The following SLC16A7 variants were observed in gnomAD, a reference collection of about 807,000 sequenced individuals.
SLC16A7 encodes solute carrier family 16 member 7.
A neutral mutation model predicts 34.9 loss-of-function variants in SLC16A7; 33 were observed. The observed-to-expected ratio is 0.94, with a 90% CI of 0.72 to 1.26. The LOEUF (loss-of-function observed/expected upper bound fraction) is 1.26. SLC16A7 is among the 50% of genes most tolerant of loss of function. The pLI, the probability that SLC16A7 is intolerant of heterozygous loss-of-function variation, is 0.00. For missense variants in SLC16A7, 573 were observed against 578.1 expected, an observed-to-expected ratio of 0.99 and a Z score of 0.09; for synonymous variants, 201 against 206.6, an observed-to-expected ratio of 0.97 and a Z score of 0.23.
In SLC16A7 at chr12:59,771,308, G is replaced by A. The variant is rs746044287; in HGVS notation, c.307G>A (p.Ala103Thr). Residue 103 changes from alanine (A) to threonine (T), a missense_variant, in exon 4 of 6, where the codon GCC becomes ACC. Coordinates refer to ENST00000547379, the MANE Select transcript of SLC16A7 (RefSeq NM_001270623.2). ...GLLCCLGMVLASFSSSVVQLY... is the reference protein window; with the variant it reads ...GLLCCLGMVLTSFSSSVVQLY... Reference sequence around the variant, plus strand: ...ATTATGCTGTCTTGGAATGGTGTTGGCCTCCTTTAGTAGCAGCGTGGTACA... The same window carrying A: ...ATTATGCTGTCTTGGAATGGTGTTGACCTCCTTTAGTAGCAGCGTGGTACA... The A allele has an allele frequency of 7.4e-6, 12 of 1,612,932 alleles. No individual in the cohort carries two copies. The African/African-American group carries it at 1.5e-4, about 20-fold the overall frequency.
chr12:59,777,303 G>A (rs892272885), intron 5 of SLC16A7, among the ~76,000 whole-genome samples: 2 of 152,068 alleles, frequency 1.3e-5, no homozygotes, highest in African/African-American at 2.4e-5. Context: ...TCTGCTACCC[G>A]TAATATTTCT....
At chr12:59,602,133 T>C (rs1369301962) in intron 1 of SLC16A7, among the ~76,000 whole-genome samples, 1 of 152,212 alleles carries the variant, frequency 6.6e-6, no homozygotes, top group Non-Finnish European at 1.5e-5. Flanking sequence ...ATCAGAGTAC[T>C]TTCAGAGTAC....
rs1375389007 is a variant in SLC16A7, at chr12:59,781,520, AT to A, written c.*1844del. On this transcript the variant is annotated 3_prime_UTR_variant, in exon 6 of 6. Coordinates refer to ENST00000547379, the MANE Select transcript of SLC16A7 (RefSeq NM_001270623.2). The stretch of plus-strand genomic sequence containing the variant: ...GAAGCTATATAAAATTCAGTTTTTC[AT>A]TTAACATTTGCTCTTTTGCATATGA... 6.6e-6 allele frequency: 1 copy of A among 152,576 alleles called. No homozygotes were observed. Among genetic ancestry groups the A allele is most frequent in the East Asian group, 1.9e-4 (1 of 5,198 alleles). The allele number at this position is 152,576 out of a possible 1,614,324, so 9.5% of individuals were successfully genotyped here.
chr12:59,740,508 C>A (rs1878186554), intron 3 of SLC16A7, among the ~76,000 whole-genome samples: 1 of 152,120 alleles, frequency 6.6e-6, no homozygotes, highest in Non-Finnish European at 1.5e-5. Context: ...CAAAATTCAA[C>A]AATGCTTCAT....
intron 3 of SLC16A7, among the ~76,000 whole-genome samples, chr12:59,765,407 C>A (rs1007090336): frequency 6.6e-6 from 1 of 152,150 alleles, no homozygotes; most frequent in Non-Finnish European, 1.5e-5. Context: ...AGTCCTTGCC[C>A]ATGCCTATGT....
intron 3 of SLC16A7, among the ~76,000 whole-genome samples, chr12:59,755,309 T>C (rs1234487693): frequency 1.3e-5 from 2 of 152,112 alleles, no homozygotes; most frequent in African/African-American, 2.4e-5. Context: ...AAGAGGAAGT[T>C]AAATTGTCCC....
At chr12:59,748,280 C>T (rs1843000764) in intron 3 of SLC16A7, among the ~76,000 whole-genome samples, 1 of 152,124 alleles carries the variant, frequency 6.6e-6, no homozygotes, top group South Asian at 2.1e-4. Flanking sequence ...AGGCCACCAT[C>T]CACAGTGCAG....
At chr12:59,637,230 A>G (rs903094448) in intron 1 of SLC16A7, among the ~76,000 whole-genome samples, 1 of 152,126 alleles carries the variant, frequency 6.6e-6, no homozygotes, top group Non-Finnish European at 1.5e-5. Context: ...AAATTTTTAA[A>G]AAGTACCTAA....
intron 1 of SLC16A7, among the ~76,000 whole-genome samples, chr12:59,654,760 A>G (rs1941464915): frequency 6.6e-6 from 1 of 151,866 alleles, no homozygotes; most frequent in African/African-American, 2.4e-5. Context: ...ACATCACTCA[A>G]AAGTTAAAAA....
chr12:59,762,670 A>T (rs1232047433), intron 3 of SLC16A7, among the ~76,000 whole-genome samples: 1 of 152,010 alleles, frequency 6.6e-6, no homozygotes, highest in Non-Finnish European at 1.5e-5. Context: ...TAGTCTGGTT[A>T]AGTACAGCAT....
At chr12:59,687,635 T>A (rs1380931853) in intron 2 of SLC16A7, among the ~76,000 whole-genome samples, 1 of 152,142 alleles carries the variant, frequency 6.6e-6, no homozygotes, top group African/African-American at 2.4e-5. Context: ...CAATAACAGA[T>A]ATTTATTTCT....
intron 1 of SLC16A7, among the ~76,000 whole-genome samples, chr12:59,648,726 G>A (rs1279707479): frequency 6.6e-6 from 1 of 152,142 alleles, no homozygotes; most frequent in Admixed American, 6.6e-5. Flanking sequence ...ATTTTAGATT[G>A]CGTGAAATAC....
chr12:59,604,500 A>T (rs1347371208), intron 1 of SLC16A7, among the ~76,000 whole-genome samples: 6 of 152,258 alleles, frequency 3.9e-5, no homozygotes, highest in African/African-American at 1.4e-4. Context: ...ATAATAAGTG[A>T]ATTTAAGGAC....
chr12:59,596,757 C>T lies in SLC16A7; in HGVS notation c.-130+521C>T, dbSNP rs915576664. On this transcript the variant is annotated intron_variant, in intron 1 of 5. Coordinates refer to ENST00000547379, the MANE Select transcript of SLC16A7 (RefSeq NM_001270623.2). This position sits in a 1 kb window ranked among gnomAD's most constrained non-coding sequence, Gnocchi z 5.0. ...GGAGTGTGTGGAGAGAACGTCTTCT[C>T]TTTGAGCAGATGATCAGGACAGGAA... 6.6e-6 allele frequency among the ~76,000 whole-genome samples: 1 copy of T among 152,162 alleles called. No individual in the cohort carries two copies. Among genetic ancestry groups the T allele is most frequent in the African/African-American group, 2.4e-5 (1 of 41,444 alleles).
intron 3 of SLC16A7, among the ~76,000 whole-genome samples, chr12:59,743,238 C>A (rs538754629): frequency 2.0e-5 from 3 of 152,258 alleles, no homozygotes; most frequent in African/African-American, 7.2e-5. Flanking sequence ...GAACAAAAGG[C>A]AAACTTTGTA....
At chr12:59,637,286 C>A (rs566691318) in intron 1 of SLC16A7, among the ~76,000 whole-genome samples, 1 of 152,170 alleles carries the variant, frequency 6.6e-6, no homozygotes, top group East Asian at 1.9e-4. Context: ...TCGTGTGCTG[C>A]CTACATGCCC....
intron 1 of SLC16A7, among the ~76,000 whole-genome samples, chr12:59,654,691 G>GCACA (rs757897535): frequency 7.3e-6 from 1 of 137,606 alleles, no homozygotes; most frequent in African/African-American, 2.7e-5. Context: ...ACATAGGCAT[G>GCACA]CACACACACA....
At chr12:59,661,051 T>C (rs1446042414) in intron 2 of SLC16A7, among the ~76,000 whole-genome samples, 1 of 152,138 alleles carries the variant, frequency 6.6e-6, no homozygotes, top group Non-Finnish European at 1.5e-5. Flanking sequence ...TTACATTTTA[T>C]AACATATTCT....
At position 59,667,195 on chromosome 12, in the gene SLC16A7, C is replaced by T. The variant is rs146461477; in HGVS notation, c.-31+11945C>T. Among the ~76,000 whole-genome samples the T allele has an allele frequency of 5.5e-4, 83 of 152,286 alleles. 2 individuals are homozygous for T. In the East Asian group the frequency reaches 0.015, roughly 27 times the overall value. ...ATTACCTTCCCCTTAGTCCCTCCCA[C>T]AACACGTGGGAATTCTGGGAGATGA... On this transcript the variant is annotated intron_variant, in intron 2 of 5. Transcript: ENST00000547379.
Sources: gnomAD v4.1 joint callset for allele counts (sites outside exome capture counted in the v4.1 genomes callset) on GRCh38, gnomAD v4.1.1 for gene constraint, Gnocchi (gnomAD v3.1) non-coding constraint, MANE v1.5 for transcripts, NCBI Gene and HGNC (gene_info 2026-07-23, HGNC 2026-07-21) for gene names.